Variants in RALGPS2 observed in about 807,000 individuals in gnomAD.
RALGPS2 encodes ras-specific guanine nucleotide-releasing factor RalGPS2.
Under a neutral mutation model 86.8 loss-of-function variants are expected in RALGPS2, and 43 were observed. The ratio of observed to expected loss-of-function variants is 0.50; its 90% CI spans 0.39 to 0.64. RALGPS2 has a LOEUF of 0.64. Among genes scored for constraint, RALGPS2 ranks in the 30% least tolerant of loss-of-function variants. The pLI is 0.00. For missense variants in RALGPS2, 536 were observed against 694.6 expected, an observed-to-expected ratio of 0.77 and a Z score of 2.57; for synonymous variants, 243 against 231.3, an observed-to-expected ratio of 1.05 and a Z score of -0.46.
chr1:178,813,124 G>A (rs572882635), intron 6 of RALGPS2, among the ~76,000 whole-genome samples: 1 of 151,646 alleles, frequency 6.6e-6, no homozygotes, highest in Non-Finnish European at 1.5e-5. Context: ...GTAGAGATGG[G>A]GTTTCACCAT....
chr1:178,786,676 A>T (rs1653667446), intron 4 of RALGPS2, among the ~76,000 whole-genome samples: 1 of 151,882 alleles, frequency 6.6e-6, no homozygotes, highest in Admixed American at 6.6e-5. Context: ...CATCTAGTAT[A>T]TCAATGTGAT....
chr1:178,848,253 G>A (rs554434173), intron 8 of RALGPS2, among the ~76,000 whole-genome samples: 1 of 152,272 alleles, frequency 6.6e-6, no homozygotes, highest in South Asian at 2.1e-4. Flanking sequence ...CAAGATTACA[G>A]TGAGCTAAGA....
At chr1:178,891,281 C>T (rs1467318283) in intron 14 of RALGPS2, among the ~76,000 whole-genome samples, 2 of 151,994 alleles carry the variant, frequency 1.3e-5, no homozygotes, top group Non-Finnish European at 2.9e-5. Flanking sequence ...ATGAATGCTG[C>T]CCAGCAAGAT....
chr1:178,882,328 G>C (rs1248701571), intron 10 of RALGPS2, among the ~76,000 whole-genome samples: 1 of 152,136 alleles, frequency 6.6e-6, no homozygotes, highest in African/African-American at 2.4e-5. Context: ...TACCGTGTCT[G>C]CCGTAATCTC....
At chr1:178,808,256 C>A in intron 5 of RALGPS2, 128 bp downstream of exon 5, 1 of 679,058 alleles carries the variant, frequency 1.5e-6, no homozygotes, top group Non-Finnish European at 2.6e-6. Flanking sequence ...CAAGTATTGT[C>A]TCTGTGCATG....
intron 1 of RALGPS2, among the ~76,000 whole-genome samples, chr1:178,764,140 GCTGCT>G (rs1459140615): frequency 8.4e-6 from 1 of 119,606 alleles, no homozygotes; most frequent in East Asian, 2.3e-4. Flanking sequence ...TATGGATCTG[GCTGCT>G]CCTGTTTTGG....
chr1:178,777,413 A>C (rs1258167667), intron 2 of RALGPS2, among the ~76,000 whole-genome samples: 1 of 151,912 alleles, frequency 6.6e-6, no homozygotes, highest in Non-Finnish European at 1.5e-5. Context: ...AAATGGAAGA[A>C]CATTCCATGC....
intron 17 of RALGPS2, among the ~76,000 whole-genome samples, chr1:178,898,769 GC>G (rs1660047921): frequency 6.6e-6 from 1 of 151,864 alleles, no homozygotes; most frequent in South Asian, 2.1e-4. Flanking sequence ...TGTTAAGATA[GC>G]TCTTGCATTG....
intron 6 of RALGPS2, among the ~76,000 whole-genome samples, chr1:178,821,080 A>T (rs1404720309): frequency 6.6e-6 from 1 of 152,246 alleles, no homozygotes; most frequent in Non-Finnish European, 1.5e-5. Flanking sequence ...TCAATGTCTC[A>T]GCACGAATGA....
At chr1:178,749,763 G>A (rs1173875835) in intron 1 of RALGPS2, among the ~76,000 whole-genome samples, 1 of 152,036 alleles carries the variant, frequency 6.6e-6, no homozygotes, top group Non-Finnish European at 1.5e-5. Context: ...GGTAGAGAGT[G>A]CCTTACTTTG....
chr1:178,889,713 A>G lies in RALGPS2; in HGVS notation c.1247+17A>G, dbSNP rs920344686. The G allele has an allele frequency of 9.5e-6, 15 of 1,586,354 alleles. No homozygotes were observed. Among genetic ancestry groups the G allele is most frequent in the Non-Finnish European group, 1.2e-5 (14 of 1,159,480 alleles). ...TTTTGAAAGGTAAGATAAATTGTCC[A>G]TTTGAACTACTTGGAGTTTATTTTG... On this transcript the variant is annotated intron_variant, in intron 14 of 19. Transcript: ENST00000367635.
chr1:178,851,303 G>C (rs992436349), intron 8 of RALGPS2: 9 of 1,608,792 alleles, frequency 5.6e-6, no homozygotes, highest in Admixed American at 3.4e-5. Context: ...CTTTATGAAA[G>C]TGGGCGCAGT....
chr1:178,914,896 T>A (rs1231681039), intron 19 of RALGPS2, among the ~76,000 whole-genome samples: 1 of 152,198 alleles, frequency 6.6e-6, no homozygotes, highest in Non-Finnish European at 1.5e-5. Context: ...CCTTTCAGGA[T>A]TCACCTCATT....
chr1:178,895,071 G>T (rs1386991520), intron 16 of RALGPS2, among the ~76,000 whole-genome samples: 1 of 151,734 alleles, frequency 6.6e-6, no homozygotes, highest in African/African-American at 2.4e-5. Context: ...ATATTGGGGG[G>T]GGAAAAAAGG....
At chr1:178,873,355 T>C (rs1205930360) in intron 8 of RALGPS2, among the ~76,000 whole-genome samples, 1 of 152,152 alleles carries the variant, frequency 6.6e-6, no homozygotes, top group Non-Finnish European at 1.5e-5. Context: ...CATAGAAATA[T>C]ATACGTTTAA....
rs575573837 is a variant in RALGPS2, at chr1:178,889,167, T to A, written c.1193-475T>A. On this transcript the variant is annotated intron_variant, in intron 13 of 19. Transcript: ENST00000367635. The stretch of plus-strand genomic sequence containing the variant: ...TTTTTGGTTTTTTAAATTTAGAGAT[T>A]CCATCTTCTTTGTCTCTAGAGACAA... 1.6e-4 allele frequency among the ~76,000 whole-genome samples: 25 copies of A among 152,072 alleles called. 1 individual carries two copies. In the South Asian group the frequency reaches 3.7e-3, roughly 23 times the overall value.
At chr1:178,804,193 G>A (rs1434364109) in intron 4 of RALGPS2, among the ~76,000 whole-genome samples, 5 of 148,078 alleles carry the variant, frequency 3.4e-5, no homozygotes, top group African/African-American at 9.9e-5. Context: ...TCAGTTATTC[G>A]CATCTTTCCA....
intron 8 of RALGPS2, chr1:178,865,595 G>T: frequency 3.1e-6 from 5 of 1,613,976 alleles, no homozygotes; most frequent in Non-Finnish European, 4.2e-6. Context: ...GATTGGCCCT[G>T]TTATTCTTTG....
chr1:178,884,329 A>G (rs1048570396), intron 11 of RALGPS2, among the ~76,000 whole-genome samples: 2 of 152,182 alleles, frequency 1.3e-5, no homozygotes, highest in Non-Finnish European at 2.9e-5. Context: ...TTATGCATAT[A>G]CCACAAATAA....
Sources: allele counts gnomAD v4.1 joint callset (sites outside exome capture counted in the v4.1 genomes callset), GRCh38; gene constraint gnomAD v4.1.1; transcripts MANE v1.5; gene names NCBI Gene and HGNC (gene_info 2026-07-23, HGNC 2026-07-21).